The following PRKG1 variants were observed in gnomAD, a reference collection of about 807,000 sequenced individuals.
PRKG1 encodes protein kinase cGMP-dependent 1, also known as cGMP-dependent protein kinase 1.
In PRKG1, 35 loss-of-function variants were observed where a neutral mutation model predicts 88.1. The ratio of observed to expected loss-of-function variants is 0.40; its 90% CI spans 0.30 to 0.53. The LOEUF is 0.53. Ranked by LOEUF, PRKG1 falls within the 20% of genes least tolerant of loss-of-function variation. The probability of loss-of-function intolerance (pLI) is 0.59; values close to 1 mark genes in which losing one functional copy is unlikely to be tolerated. For synonymous variants in PRKG1, 303 were observed against 292.5 expected (o/e 1.04, Z -0.37); for missense variants, 540 against 839.8 (o/e 0.64, Z 4.41).
chr10:51,393,692 T>G (rs183989056), intron 2 of PRKG1, among the ~76,000 whole-genome samples: 1 of 152,304 alleles, frequency 6.6e-6, no homozygotes, highest in East Asian at 1.9e-4. Context: ...TTTCACGTTT[T>G]GACTTCTGTC....
intron 1 of PRKG1, among the ~76,000 whole-genome samples, chr10:51,041,900 A>G (rs1843429146): frequency 6.6e-6 from 1 of 152,176 alleles, no homozygotes; most frequent in Non-Finnish European, 1.5e-5. Flanking sequence ...CAAGTCTGGG[A>G]GTTTTCAAGC....
chr10:52,254,462 A>G (rs372767303), intron 10 of PRKG1, among the ~76,000 whole-genome samples: 1 of 152,050 alleles, frequency 6.6e-6, no homozygotes, highest in African/African-American at 2.4e-5. Flanking sequence ...AGATAATACC[A>G]TAAGTTACAC....
chr10:51,509,264 G>C (rs1295116891), intron 3 of PRKG1, among the ~76,000 whole-genome samples: 1 of 152,164 alleles, frequency 6.6e-6, no homozygotes, highest in African/African-American at 2.4e-5. Flanking sequence ...GTAACTAAAT[G>C]CTTTAGAAAT....
At chr10:51,875,503 G>C (rs1357851336) in intron 4 of PRKG1, among the ~76,000 whole-genome samples, 3 of 152,018 alleles carry the variant, frequency 2.0e-5, no homozygotes, top group Non-Finnish European at 4.4e-5. Flanking sequence ...GAACTCCTGA[G>C]CTCAGGAGAT....
chr10:52,167,710 G>A lies in PRKG1; in HGVS notation c.1076+5747G>A, dbSNP rs903973167. 2.6e-5 allele frequency among the ~76,000 whole-genome samples: 4 copies of A among 151,810 alleles called. No individual in the cohort carries two copies. The South Asian group carries it at 6.3e-4, about 24-fold the overall frequency. ...TGCTTTTCAAACTACTTTGTGTCGTGACATTCATAGAAAATGAGTACAGTG... is the reference window on the plus strand; with the variant it reads ...TGCTTTTCAAACTACTTTGTGTCGTAACATTCATAGAAAATGAGTACAGTG... On this transcript the variant is annotated intron_variant, in intron 9 of 17. Coordinates refer to ENST00000373980, the MANE Select transcript of PRKG1 (RefSeq NM_006258.4).
chr10:51,495,417 G>T (rs899618837), intron 3 of PRKG1, among the ~76,000 whole-genome samples: 2 of 152,124 alleles, frequency 1.3e-5, no homozygotes, highest in African/African-American at 4.8e-5. Context: ...CAATGACTTT[G>T]AACTTGAATA....
chr10:51,963,527 C>A (rs1843495831), intron 5 of PRKG1, among the ~76,000 whole-genome samples: 1 of 151,796 alleles, frequency 6.6e-6, no homozygotes, highest in African/African-American at 2.4e-5. Context: ...TGGCAAGATC[C>A]TGGGTCACTG....
intron 3 of PRKG1, among the ~76,000 whole-genome samples, chr10:51,624,000 C>A (rs1839273290): frequency 6.6e-6 from 1 of 152,142 alleles, no homozygotes; most frequent in South Asian, 2.1e-4. Flanking sequence ...GATTAGCGAT[C>A]CAGAAATTGT....
intron 1 of PRKG1, among the ~76,000 whole-genome samples, chr10:51,122,198 T>G (rs576633505): frequency 6.6e-6 from 1 of 152,300 alleles, no homozygotes; most frequent in South Asian, 2.1e-4. Flanking sequence ...TCTAAAGCAA[T>G]GGAACTAAAT....
At chr10:51,322,040 G>T (rs1419751038) in intron 2 of PRKG1, among the ~76,000 whole-genome samples, 1 of 152,152 alleles carries the variant, frequency 6.6e-6, no homozygotes, top group Non-Finnish European at 1.5e-5. Flanking sequence ...GTCTCAATTA[G>T]ATTAACCTCC....
At chr10:51,486,045 A>C (rs1338216864) in intron 3 of PRKG1, among the ~76,000 whole-genome samples, 1 of 152,160 alleles carries the variant, frequency 6.6e-6, no homozygotes, top group East Asian at 1.9e-4. Context: ...GCCCCTCTCC[A>C]AAGTGTTTCC....
At chr10:51,933,762 T>A (rs895625257) in intron 5 of PRKG1, among the ~76,000 whole-genome samples, 5 of 152,124 alleles carry the variant, frequency 3.3e-5, no homozygotes, top group African/African-American at 1.2e-4. Flanking sequence ...TGTTTACCAT[T>A]AACTTTTAGC....
rs1015742132 is a variant in PRKG1, at chr10:51,362,617, G to A, written c.479-105106G>A. Among the ~76,000 whole-genome samples, 4 of 151,824 alleles carry A rather than the reference G, an allele frequency of 2.6e-5. No individual in the cohort carries two copies. In the East Asian group the frequency reaches 7.8e-4, roughly 30 times the overall value. On this transcript the variant is annotated intron_variant, in intron 2 of 17. Coordinates refer to ENST00000373980, the MANE Select transcript of PRKG1 (RefSeq NM_006258.4). ...AATTATACTTTTAAGGAAAAACATT[G>A]AAACTGTATTTTTTTTATTTATTTA...
chr10:51,667,814 TCTGA>T (rs1432190534), intron 3 of PRKG1, among the ~76,000 whole-genome samples: 1 of 152,214 alleles, frequency 6.6e-6, no homozygotes, highest in African/African-American at 2.4e-5. Context: ...TTTCCTAAGC[TCTGA>T]CTATTTTGAG....
intron 9 of PRKG1, among the ~76,000 whole-genome samples, chr10:52,250,610 C>T (rs1030258373): frequency 1.3e-5 from 2 of 152,244 alleles, no homozygotes; most frequent in East Asian, 1.9e-4. Flanking sequence ...CTGAAGGTCA[C>T]GGGTTATGCA....
chr10:51,706,581 G>T (rs1564615385), intron 3 of PRKG1, among the ~76,000 whole-genome samples: 1 of 152,046 alleles, frequency 6.6e-6, no homozygotes. Context: ...ATTAGACCAG[G>T]CTCAAATGTC....
chr10:51,970,924 A>T (rs1248356542), intron 5 of PRKG1, among the ~76,000 whole-genome samples: 4 of 151,162 alleles, frequency 2.6e-5, no homozygotes, highest in Admixed American at 6.6e-5. Flanking sequence ...AGTTTTGATC[A>T]TAAATGCCAA....
Position 51,204,157 on chromosome 10 carries a change from G to T in PRKG1, c.478+50827G>T, listed in dbSNP as rs367783100. Among the ~76,000 whole-genome samples, 4 of 152,144 alleles carry T rather than the reference G, an allele frequency of 2.6e-5. No individual in the cohort carries two copies. In the South Asian group the frequency reaches 8.3e-4, roughly 32 times the overall value. On this transcript the variant is annotated intron_variant, in intron 2 of 17. Coordinates refer to ENST00000373980, the MANE Select transcript of PRKG1 (RefSeq NM_006258.4). Reference sequence around the variant, plus strand: ...CTTTATAAAGGATTGTATTATTTCTGATGGGCCTCTGGATTCTATTATTGT... The same window carrying T: ...CTTTATAAAGGATTGTATTATTTCTTATGGGCCTCTGGATTCTATTATTGT...
intron 5 of PRKG1, among the ~76,000 whole-genome samples, chr10:52,015,434 T>C (rs1845013942): frequency 6.6e-6 from 1 of 152,220 alleles, no homozygotes; most frequent in South Asian, 2.1e-4. Context: ...AGCAGGGTCT[T>C]GGGCCAGGCC....
Sources: allele counts gnomAD v4.1 joint callset (sites outside exome capture counted in the v4.1 genomes callset), GRCh38; gene constraint gnomAD v4.1.1; transcripts MANE v1.5; gene names NCBI Gene and HGNC (gene_info 2026-07-23, HGNC 2026-07-21).